The following NEGR1 variants were observed in gnomAD, a reference collection of about 807,000 sequenced individuals.
The protein encoded by NEGR1 is neuronal growth regulator 1, also known as IgLON family member 4.
A neutral mutation model predicts 40.9 loss-of-function variants in NEGR1; 10 were observed. That is an observed-to-expected ratio of 0.24 (90% confidence interval 0.15 to 0.42). The LOEUF (loss-of-function observed/expected upper bound fraction) is 0.42. NEGR1 is among the 10% of genes least tolerant of loss of function. NEGR1 has a pLI of 1.00. For missense variants in NEGR1, 352 were observed against 438.9 expected (o/e 0.80, Z 1.77); for synonymous variants, 185 against 166.8 (o/e 1.11, Z -0.84).
intron 2 of NEGR1, among the ~76,000 whole-genome samples, chr1:71,796,527 T>G (rs1314475439): frequency 6.6e-6 from 1 of 152,206 alleles, no homozygotes; most frequent in African/African-American, 2.4e-5. Context: ...TCAAGCGAGC[T>G]GGATGCGGCA....
chr1:71,776,724 T>A (rs1052754036), intron 2 of NEGR1, among the ~76,000 whole-genome samples: 5 of 152,124 alleles, frequency 3.3e-5, no homozygotes, highest in African/African-American at 1.2e-4. Flanking sequence ...CATACTGATT[T>A]AAAAGCTGGG....
At chr1:71,866,341 C>A (rs1191989801) in intron 2 of NEGR1, among the ~76,000 whole-genome samples, 1 of 152,082 alleles carries the variant, frequency 6.6e-6, no homozygotes, top group East Asian at 1.9e-4. Context: ...TTGTTTTTGA[C>A]ATAATGTTCC....
At chr1:71,619,805 A>C (rs973498048) in intron 4 of NEGR1, among the ~76,000 whole-genome samples, 6 of 152,016 alleles carry the variant, frequency 3.9e-5, no homozygotes, top group Admixed American at 2.0e-4. Context: ...AAGATAATGA[A>C]AGTGTCTTCA....
At chr1:71,607,680 A>ATTTATT (rs1480195706) in intron 5 of NEGR1, among the ~76,000 whole-genome samples, 2 of 152,046 alleles carry the variant, frequency 1.3e-5, no homozygotes, top group Non-Finnish European at 2.9e-5. Flanking sequence ...ACAGCTTTTT[A>ATTTATT]TTTATTTTTA....
chr1:72,178,970 T>C (rs1570087349), intron 1 of NEGR1, among the ~76,000 whole-genome samples: 1 of 152,038 alleles, frequency 6.6e-6, no homozygotes, highest in East Asian at 1.9e-4. Context: ...ATGCATAGTT[T>C]GTAAATATCT....
chr1:71,888,334 C>T (rs1467448540), intron 2 of NEGR1, among the ~76,000 whole-genome samples: 1 of 152,068 alleles, frequency 6.6e-6, no homozygotes, highest in African/African-American at 2.4e-5. Context: ...GAGTGCCAGA[C>T]AGTGGGCGCA....
chr1:71,681,282 A>T (rs2101610401), intron 4 of NEGR1, among the ~76,000 whole-genome samples: 1 of 152,360 alleles, frequency 6.6e-6, no homozygotes, highest in Admixed American at 6.5e-5. Flanking sequence ...TTGGTGTTCA[A>T]TGCAAACATT....
intron 2 of NEGR1, among the ~76,000 whole-genome samples, chr1:71,899,590 C>T (rs560238903): frequency 2.6e-5 from 4 of 152,146 alleles, no homozygotes; most frequent in Admixed American, 1.3e-4. Context: ...CCAGTATCTG[C>T]GTATAACCCC....
chr1:72,155,302 G>C (rs1651316582), intron 1 of NEGR1, among the ~76,000 whole-genome samples: 1 of 151,932 alleles, frequency 6.6e-6, no homozygotes, highest in Non-Finnish European at 1.5e-5. Flanking sequence ...ATTAACTTTA[G>C]AGGAAGAATC....
At chr1:71,816,319 C>A (rs898815542) in intron 2 of NEGR1, among the ~76,000 whole-genome samples, 7 of 152,030 alleles carry the variant, frequency 4.6e-5, no homozygotes, top group African/African-American at 1.7e-4. Context: ...ACCATCTTAG[C>A]AGAAAACCTT....
chr1:72,065,890 T>C (rs11209903), intron 1 of NEGR1, among the ~76,000 whole-genome samples: 35 of 152,184 alleles, frequency 2.3e-4, no homozygotes, highest in African/African-American at 8.2e-4. Context: ...TATTAAATGA[T>C]GTGTTATTGG....
At chr1:71,928,370 GTA>G (rs1645814318) in intron 2 of NEGR1, among the ~76,000 whole-genome samples, 14 of 73,550 alleles carry the variant, frequency 1.9e-4, no homozygotes, top group African/African-American at 4.9e-4. Flanking sequence ...ATACACATAT[GTA>G]TATATGTATA....
At chr1:71,442,251 T>C (rs924315782) in intron 6 of NEGR1, among the ~76,000 whole-genome samples, 1 of 76,482 alleles carries the variant, frequency 1.3e-5, no homozygotes, top group Non-Finnish European at 2.7e-5. Flanking sequence ...TTTTTTTTTT[T>C]ACTGGATTTC....
At chr1:72,061,098 C>T (rs1647165425) in intron 1 of NEGR1, among the ~76,000 whole-genome samples, 2 of 151,622 alleles carry the variant, frequency 1.3e-5, no homozygotes, top group African/African-American at 2.4e-5. Flanking sequence ...ACTACTTCCT[C>T]ATCCTCAGTG....
intron 2 of NEGR1, among the ~76,000 whole-genome samples, chr1:71,835,403 C>T (rs967063356): frequency 9.9e-5 from 15 of 152,032 alleles, no homozygotes; most frequent in Non-Finnish European, 1.6e-4. Context: ...TTGCAATCTA[C>T]CATAATATAA....
chr1:72,124,993 A>G (rs1007847651), intron 1 of NEGR1, among the ~76,000 whole-genome samples: 3 of 152,130 alleles, frequency 2.0e-5, no homozygotes, highest in Non-Finnish European at 4.4e-5. Context: ...GGCGTATATA[A>G]AAGTCAAAAG....
chr1:71,894,532 A>G (rs1341691281), intron 2 of NEGR1, among the ~76,000 whole-genome samples: 2 of 152,226 alleles, frequency 1.3e-5, no homozygotes, highest in Non-Finnish European at 2.9e-5. Flanking sequence ...TATTTTCCCC[A>G]TTTGACAGAT....
chr1:72,003,804 C>T (rs904113539), intron 1 of NEGR1, among the ~76,000 whole-genome samples: 19 of 151,936 alleles, frequency 1.3e-4, no homozygotes, highest in African/African-American at 1.5e-4. Flanking sequence ...TTACAATGAA[C>T]GGAACTAAAA....
intron 2 of NEGR1, among the ~76,000 whole-genome samples, chr1:71,785,770 C>A (rs568980455): frequency 3.2e-4 from 49 of 152,246 alleles, no homozygotes; most frequent in Non-Finnish European, 5.9e-4. Context: ...TAGCTAAAAG[C>A]TTGCTTTAGG....
Sources: allele counts gnomAD v4.1 joint callset (sites outside exome capture counted in the v4.1 genomes callset), GRCh38; gene constraint gnomAD v4.1.1; transcripts MANE v1.5; gene names NCBI Gene and HGNC (gene_info 2026-07-23, HGNC 2026-07-21).